GCNT1: variants seen among roughly 807,000 people sequenced by gnomAD.
GCNT1 encodes beta-1,3-galactosyl-O-glycosyl-glycoprotein beta-1,6-N-acetylglucosaminyltransferase.
In GCNT1, 16 loss-of-function variants were observed where a neutral mutation model predicts 26.2. The observed-to-expected ratio is 0.61, with a 90% CI of 0.41 to 0.93. The LOEUF (loss-of-function observed/expected upper bound fraction) is 0.93. GCNT1 is among the 40% of genes least tolerant of loss of function. The probability of loss-of-function intolerance (pLI) is 0.00; values close to 1 mark genes in which losing one functional copy is unlikely to be tolerated. For synonymous variants in GCNT1, 183 were observed against 190.8 expected (o/e 0.96, Z 0.34); for missense variants, 477 against 526.7 (o/e 0.91, Z 0.92).
Position 76,503,784 on chromosome 9 carries a change from T to C in GCNT1, c.*116T>C. The C allele has an allele frequency of 1.3e-6, 1 of 760,782 alleles. No individual in the cohort carries two copies. Among genetic ancestry groups the C allele is most frequent in the South Asian group, 1.7e-5 (1 of 60,270 alleles). 47.1% of individuals were successfully genotyped at this position (760,782 alleles called of 1,614,324 possible). ...ATGAAGTCCTCTTTGGGGCAGGGAC[T>C]CTAGTAGATCTTCTTGTCAGAGAAG... On this transcript the variant is annotated 3_prime_UTR_variant, in exon 4 of 4. Transcript: ENST00000376730.
upstream of GCNT1, among the ~76,000 whole-genome samples, chr9:76,439,014 G>A (rs552604128): frequency 2.6e-5 from 4 of 152,022 alleles, no homozygotes; most frequent in African/African-American, 4.8e-5. Flanking sequence ...TTCTTTTCTC[G>A]TCAGACTTAT....
rs868312020 is a variant in GCNT1 at position 76,461,215 on chromosome 9, T to C, written c.-290+1038T>C. 4.9e-3 allele frequency among the ~76,000 whole-genome samples: 573 copies of C among 116,226 alleles called. 4 individuals are homozygous for C. The highest frequency in any genetic ancestry group is 0.015 in the African/African-American group (496 of 32,140). 76.2% of individuals were successfully genotyped at this position (116,226 alleles called of 152,430 possible). A position where few individuals can be genotyped will look rare whatever the true frequency, so the allele number is the denominator to read the frequency against. On this transcript the variant is annotated intron_variant, in intron 2 of 3. Coordinates refer to ENST00000376730, the MANE Select transcript of GCNT1 (RefSeq NM_001490.5). ...GCAGCTTTTTTTTTTTTTTTTTTTT[T>C]CCACGAATAGCTGAGAACTTTTACT...
Position 76,503,747 on chromosome 9 carries a change from C to T in GCNT1, c.*79C>T, listed in dbSNP as rs1825160197. 6 of 1,138,726 alleles carry T rather than the reference C, an allele frequency of 5.3e-6. No homozygotes were observed. The highest frequency in any genetic ancestry group is 2.7e-5 in the South Asian group (2 of 73,342). The allele number at this position is 1,138,726 out of a possible 1,614,324, so 70.5% of individuals were successfully genotyped here. A position where few individuals can be genotyped will look rare whatever the true frequency, so the allele number is the denominator to read the frequency against. ...TCTGTTTCCCCTTCCTTGTCAGCAT[C>T]GGGAAGATGGTATGAAGTCCTCTTT... On this transcript the variant is annotated 3_prime_UTR_variant, in exon 4 of 4. Coordinates refer to ENST00000376730, the MANE Select transcript of GCNT1 (RefSeq NM_001490.5).
chr9:76,449,024 G>A (rs1823621507), intron 1 of GCNT1, among the ~76,000 whole-genome samples: 1 of 152,090 alleles, frequency 6.6e-6, no homozygotes, highest in Non-Finnish European at 1.5e-5. Flanking sequence ...CAATGGGAAA[G>A]GGATCAGAAT....
rs149016032 is a variant in GCNT1 at position 76,491,656 on chromosome 9, A to C, written c.-289-9260A>C. On this transcript the variant is annotated intron_variant, in intron 2 of 3. Transcript: ENST00000376730. ...TGCCCTTCATATCCCATTCTCCACA[A>C]ATGAACATCCATTGGTATATAGGTT... 3.3e-3 allele frequency among the ~76,000 whole-genome samples: 501 copies of C among 152,332 alleles called. 2 individuals carry two copies. Among genetic ancestry groups the C allele is most frequent in the African/African-American group, 0.011 (439 of 41,572 alleles).
upstream of GCNT1, among the ~76,000 whole-genome samples, chr9:76,458,372 C>T (rs1243350457): frequency 6.6e-6 from 1 of 151,818 alleles, no homozygotes; most frequent in Non-Finnish European, 1.5e-5. Flanking sequence ...TTAGTAGAGA[C>T]GCGGTTTCAC....
chr9:76,497,455 A>T (rs1198059547), intron 2 of GCNT1, among the ~76,000 whole-genome samples: 1 of 152,210 alleles, frequency 6.6e-6, no homozygotes, highest in Admixed American at 6.5e-5. Flanking sequence ...CCCTGATGAT[A>T]AATAGACAAA....
the GCNT1 span, among the ~76,000 whole-genome samples, chr9:76,396,004 T>C: frequency 2.0e-5 from 3 of 152,340 alleles, no homozygotes; most frequent in East Asian, 5.8e-4. Flanking sequence ...TTTCAAGTGC[T>C]TTTAATTCAA....
At chr9:76,422,668 T>C (rs1718090356) in intron 1 of GCNT1, among the ~76,000 whole-genome samples, 1 of 152,140 alleles carries the variant, frequency 6.6e-6, no homozygotes, top group Admixed American at 6.5e-5. Context: ...TCCTCCCACC[T>C]CAGCCTCCAG....
chr9:76,488,894 A>T (rs1024500886), intron 2 of GCNT1, among the ~76,000 whole-genome samples: 12 of 152,190 alleles, frequency 7.9e-5, no homozygotes, highest in Non-Finnish European at 1.5e-5. Context: ...TGTTCTAGTC[A>T]TCTATTGCTA....
At chr9:76,427,349 A>G (rs926204047) in intron 1 of GCNT1, among the ~76,000 whole-genome samples, 14 of 151,816 alleles carry the variant, frequency 9.2e-5, no homozygotes, top group African/African-American at 3.1e-4. Context: ...TCAGTTAATT[A>G]TTGTATTTTT....
At chr9:76,428,406 T>A (rs1334480350) in intron 1 of GCNT1, among the ~76,000 whole-genome samples, 7 of 152,030 alleles carry the variant, frequency 4.6e-5, no homozygotes, top group Non-Finnish European at 1.0e-4. Context: ...AATTTATTTG[T>A]TTAATTTATG....
the GCNT1 span, chr9:76,394,667 A>G: frequency 6.5e-6 from 1 of 153,624 alleles, no homozygotes; most frequent in Non-Finnish European, 1.4e-5. Context: ...GCCCCTGGCG[A>G]TGGGAACTAA....
chr9:76,428,292 T>TAAAAAAAAAAAAAAAAAAAAAAAA lies in GCNT1; in HGVS notation n.38+8416_38+8417insAAAAAAAAAAAAAAAAAAAAAAAA, dbSNP rs1279001629. Among the ~76,000 whole-genome samples, 20 of 85,918 alleles carry TAAAAAAAAAAAAAAAAAAAAAAAA rather than the reference T, an allele frequency of 2.3e-4. 1 individual carries two copies. The highest frequency in any genetic ancestry group is 7.7e-3 in the Middle Eastern group (1 of 130). 56.4% of individuals were successfully genotyped at this position (85,918 alleles called of 152,430 possible). ...AAAAAAAAAAAAAAAAAAAAAAACT[T>TAAAAAAAAAAAAAAAAAAAAAAAA]AAAAAAAAAAAGAGAGAGAGAAATG... is the stretch of plus-strand genomic sequence containing the variant. On this transcript the variant is annotated intron_variant and non_coding_transcript_variant, in intron 1 of 3. Coordinates refer to the GCNT1 transcript ENST00000488136.
intron 1 of GCNT1, among the ~76,000 whole-genome samples, chr9:76,430,388 C>A (rs921461305): frequency 6.6e-6 from 1 of 151,716 alleles, no homozygotes; most frequent in South Asian, 2.1e-4. Context: ...TGACAGAACA[C>A]TCATTTTTTT....
chr9:76,465,979 T>C lies in GCNT1; in HGVS notation c.-290+5802T>C, dbSNP rs114475800. 2.3e-3 allele frequency among the ~76,000 whole-genome samples: 344 copies of C among 152,194 alleles called. 1 individual carries two copies. Among genetic ancestry groups the C allele is most frequent in the African/African-American group, 7.9e-3 (327 of 41,520 alleles). On this transcript the variant is annotated intron_variant, in intron 2 of 3. Transcript: ENST00000376730. ...ATGCCTTTTTGGATGTGTGTTTTGTTTGTGAGACATCCAAGTAAAGATGAG... is the reference window on the plus strand; with the variant it reads ...ATGCCTTTTTGGATGTGTGTTTTGTCTGTGAGACATCCAAGTAAAGATGAG...
the GCNT1 span, among the ~76,000 whole-genome samples, chr9:76,400,950 T>TA: frequency 3.3e-5 from 5 of 152,208 alleles, no homozygotes; most frequent in Non-Finnish European, 5.9e-5. Flanking sequence ...CTCTGGCTCT[T>TA]ACACCAGTTT....
the GCNT1 span, among the ~76,000 whole-genome samples, chr9:76,408,323 A>G: frequency 6.6e-6 from 1 of 152,148 alleles, no homozygotes; most frequent in Non-Finnish European, 1.5e-5. Context: ...TTTTGTCATG[A>G]ATGGGTATTG....
intron 2 of GCNT1, among the ~76,000 whole-genome samples, chr9:76,479,406 T>C (rs1424870196): frequency 6.6e-6 from 1 of 152,214 alleles, no homozygotes; most frequent in Non-Finnish European, 1.5e-5. Flanking sequence ...AAGTGGTATT[T>C]CTAGTTCTAG....
Sources: allele counts gnomAD v4.1 joint callset (sites outside exome capture counted in the v4.1 genomes callset), GRCh38; gene constraint gnomAD v4.1.1; transcripts MANE v1.5; gene names NCBI Gene and HGNC (gene_info 2026-07-23, HGNC 2026-07-21).